The following RYR3 variants were observed in gnomAD, a reference collection of about 807,000 sequenced individuals.
RYR3 encodes the protein brain ryanodine receptor-calcium release channel.
In RYR3, 207 loss-of-function variants were observed where a neutral mutation model predicts 584.3. That is an observed-to-expected ratio of 0.35 (90% confidence interval 0.32 to 0.40). The LOEUF (loss-of-function observed/expected upper bound fraction) is 0.40, where lower values mean the gene tolerates loss of function less well. Among genes scored for constraint, RYR3 ranks in the 10% least tolerant of loss-of-function variants. RYR3 has a pLI of 1.00. For missense variants in RYR3, 5,616 were observed against 6,089.2 expected, an observed-to-expected ratio of 0.92 and a Z score of 2.59; for synonymous variants, 2,416 against 2,248.5, an observed-to-expected ratio of 1.07 and a Z score of -2.11.
intron 67 of RYR3, among the ~76,000 whole-genome samples, chr15:33,797,977 TAAAC>T (rs2152927443): frequency 6.6e-6 from 1 of 152,366 alleles, no homozygotes; most frequent in South Asian, 2.1e-4. Context: ...TATAGTGGCT[TAAAC>T]AAATGAGAAA....
intron 10 of RYR3, among the ~76,000 whole-genome samples, chr15:33,551,194 G>A (rs1422212347): frequency 6.6e-6 from 1 of 152,226 alleles, no homozygotes; most frequent in East Asian, 1.9e-4. Flanking sequence ...CCAAGCATGA[G>A]AAGGGCTCTG....
At chr15:33,483,405 A>G (rs2142373073) in intron 2 of RYR3, among the ~76,000 whole-genome samples, 1 of 152,248 alleles carries the variant, frequency 6.6e-6, no homozygotes, top group East Asian at 1.9e-4. Flanking sequence ...ATGATATTTT[A>G]TAGTTATTCT....
In RYR3 at chr15:33,863,989, G is replaced by A. The variant is rs1889489419; in HGVS notation, c.14466-149G>A. 7.0e-6 allele frequency: 4 copies of A among 574,312 alleles called. No homozygotes were observed. In the South Asian group the frequency reaches 9.8e-5, roughly 14 times the overall value. The allele number at this position is 574,312 out of a possible 1,614,324, so 35.6% of individuals were successfully genotyped here. On this transcript the variant is annotated intron_variant, in intron 102 of 103. Coordinates refer to ENST00000634891, the MANE Select transcript of RYR3 (RefSeq NM_001036.6). ...TGCTACTATTAGAAAATGATGGTTT[G>A]TGTCCTTATGCCACACTTCCCTGAT...
At chr15:33,855,223 T>G (rs2079527988) in intron 98 of RYR3, among the ~76,000 whole-genome samples, 1 of 150,928 alleles carries the variant, frequency 6.6e-6, no homozygotes, top group Admixed American at 6.6e-5. Context: ...TTTGTGACGG[T>G]GTCTCGCTGT....
chr15:33,720,435 A>G (rs2067823986), intron 43 of RYR3, among the ~76,000 whole-genome samples: 1 of 152,200 alleles, frequency 6.6e-6, no homozygotes, highest in African/African-American at 2.4e-5. Context: ...TCTGAGTTAG[A>G]CTAATAGAGT....
chr15:33,760,128 T>C (rs949956741), intron 60 of RYR3, among the ~76,000 whole-genome samples: 3 of 152,284 alleles, frequency 2.0e-5, no homozygotes, highest in Admixed American at 2.0e-4. Context: ...CAAGAGCTCC[T>C]GAAGGAAGCA....
At position 33,792,362 on chromosome 15, in the gene RYR3, C is replaced by T. The variant is rs147735357; in HGVS notation, c.9830+3904C>T. ...TTCTCTCAAGGCCTCTCCCCCAACC[C>T]GAGTCCTTCAGGAGGGGCACCCAGA... On this transcript the variant is annotated intron_variant, in intron 67 of 103. Coordinates refer to ENST00000634891, the MANE Select transcript of RYR3 (RefSeq NM_001036.6). Among the ~76,000 whole-genome samples the T allele has an allele frequency of 5.4e-3, 827 of 152,216 alleles. 9 individuals carry two copies. The highest frequency in any genetic ancestry group is 0.019 in the African/African-American group (793 of 41,532).
chr15:33,525,378 A>G (rs2141001379), intron 3 of RYR3, among the ~76,000 whole-genome samples: 2 of 152,366 alleles, frequency 1.3e-5, no homozygotes, highest in Non-Finnish European at 2.9e-5. Flanking sequence ...TCTTTTCAGA[A>G]TAAAAAATCC....
intron 3 of RYR3, among the ~76,000 whole-genome samples, chr15:33,522,172 A>C (rs2054048477): frequency 1.3e-5 from 2 of 150,020 alleles, no homozygotes; most frequent in Non-Finnish European, 3.0e-5. Flanking sequence ...CTGACACAGG[A>C]GAATTGCTGG....
rs572083559 is a variant in RYR3 at position 33,351,594 on chromosome 15, A to G, written c.51+40498A>G. ...GTGGGCTTCATCCCTGGGATGCAAG[A>G]CTGGTTCAATATATGCAAATCAATA... On this transcript the variant is annotated intron_variant, in intron 1 of 103. Transcript: ENST00000634891. 5.1e-3 allele frequency among the ~76,000 whole-genome samples: 769 copies of G among 150,890 alleles called. 5 individuals are homozygous for G. Among genetic ancestry groups the G allele is most frequent in the African/African-American group, 0.018 (736 of 40,590 alleles).
At chr15:33,711,598 C>G (rs1035549639) in intron 43 of RYR3, among the ~76,000 whole-genome samples, 2 of 152,190 alleles carry the variant, frequency 1.3e-5, no homozygotes, top group African/African-American at 2.4e-5. Context: ...CCAGGATACC[C>G]TAGGTCATCA....
At chr15:33,471,730 A>G (rs531291972) in intron 1 of RYR3, among the ~76,000 whole-genome samples, 1 of 152,190 alleles carries the variant, frequency 6.6e-6, no homozygotes, top group South Asian at 2.1e-4. Context: ...GGGGAGACAC[A>G]TAACTATTTC....
rs2061414613 is a variant in RYR3 at position 33,634,552 on chromosome 15, T to C, written c.3028-34T>C. ...GTGAGCTGTGGTGAAGGTGAAATGT[T>C]TTCTTGGCACCTTTTTTCTCTGGCG... On this transcript the variant is annotated intron_variant, in intron 24 of 103. Coordinates refer to ENST00000634891, the MANE Select transcript of RYR3 (RefSeq NM_001036.6). 1.2e-5 allele frequency: 20 copies of C among 1,612,688 alleles called. No homozygotes were observed. The East Asian group carries it at 4.2e-4, about 34-fold the overall frequency.
chr15:33,798,262 T>C (rs2075736662), intron 67 of RYR3, among the ~76,000 whole-genome samples: 1 of 152,086 alleles, frequency 6.6e-6, no homozygotes, highest in African/African-American at 2.4e-5. Flanking sequence ...CTAATTTTTG[T>C]ATTTTTTTAG....
At chr15:33,709,981 A>G (rs2066981359) in intron 43 of RYR3, among the ~76,000 whole-genome samples, 1 of 152,244 alleles carries the variant, frequency 6.6e-6, no homozygotes, top group East Asian at 1.9e-4. Context: ...ATACCCACTC[A>G]TGGGTTCTGT....
intron 1 of RYR3, among the ~76,000 whole-genome samples, chr15:33,370,992 A>G (rs1398057722): frequency 6.6e-6 from 1 of 152,212 alleles, no homozygotes; most frequent in Non-Finnish European, 1.5e-5. Flanking sequence ...CAAGAACAAC[A>G]GTTTCTGGCA....
intron 1 of RYR3, among the ~76,000 whole-genome samples, chr15:33,471,259 G>A (rs1390166365): frequency 6.6e-6 from 1 of 152,162 alleles, no homozygotes; most frequent in African/African-American, 2.4e-5. Flanking sequence ...GAAATCGTTT[G>A]GAGAAGCATC....
chr15:33,821,362 T>A lies in RYR3; in HGVS notation c.10908T>A (p.Ala3636=), dbSNP rs1260647769. Residue 3636 remains alanine (A), a synonymous_variant, in exon 79 of 104, where the codon GCT becomes GCA. Coordinates refer to ENST00000634891, the MANE Select transcript of RYR3 (RefSeq NM_001036.6). The part of the protein sequence containing the change: ...AAEMVLQMIS[A]SKGEMSPMVV... ...AGATGGTCCTTCAGATGATAAGCGC[T>A]AGCAAAGGTGATTTCCCTAGTTTCT... The A allele has an allele frequency of 1.2e-6, 2 of 1,601,038 alleles. No homozygotes were observed. Among genetic ancestry groups the A allele is most frequent in the Non-Finnish European group, 1.7e-6 (2 of 1,173,636 alleles).
chr15:33,389,283 G>C (rs1308828942), intron 1 of RYR3, among the ~76,000 whole-genome samples: 1 of 152,012 alleles, frequency 6.6e-6, no homozygotes, highest in Admixed American at 6.5e-5. Flanking sequence ...AATTACAAAG[G>C]AAACCCATAC....
Sources: gnomAD v4.1 joint callset for allele counts (sites outside exome capture counted in the v4.1 genomes callset) on GRCh38, gnomAD v4.1.1 for gene constraint, MANE v1.5 for transcripts, NCBI Gene and HGNC (gene_info 2026-07-23, HGNC 2026-07-21) for gene names.